The following NDUFS4 variants were observed in gnomAD, a reference collection of about 807,000 sequenced individuals.
NDUFS4 encodes NADH dehydrogenase [ubiquinone] iron-sulfur protein 4, mitochondrial.
NDUFS4 carries 28 observed loss-of-function variants against 24.3 expected under a neutral mutation model. The observed-to-expected ratio is 1.15, with a 90% CI of 0.85 to 1.58. The LOEUF is 1.58. Among genes scored for constraint, NDUFS4 ranks in the 40% most tolerant of loss-of-function variants. NDUFS4 has a pLI of 0.00. For synonymous variants in NDUFS4, 93 were observed against 69.7 expected (o/e 1.34, Z -1.67); for missense variants, 223 against 207.9 (o/e 1.07, Z -0.45).
intron 1 of NDUFS4, among the ~76,000 whole-genome samples, chr5:53,591,611 A>C (rs1749963565): frequency 6.6e-6 from 1 of 151,986 alleles, no homozygotes; most frequent in Admixed American, 6.6e-5. Context: ...ACAGTTGCTG[A>C]TCCTATGTTA....
At chr5:53,575,605 G>A (rs1019709082) in intron 1 of NDUFS4, among the ~76,000 whole-genome samples, 1 of 121,086 alleles carries the variant, frequency 8.3e-6, no homozygotes, top group Non-Finnish European at 1.6e-5. Context: ...GCAGTGGCAT[G>A]ATCTCGGCTC....
chr5:53,567,101 G>T (rs933847004), intron 1 of NDUFS4, among the ~76,000 whole-genome samples: 4 of 151,948 alleles, frequency 2.6e-5, no homozygotes, highest in African/African-American at 9.7e-5. Context: ...CACCTGCCTC[G>T]ACCTCCCAAA....
At chr5:53,602,998 T>A (rs1290547524) in intron 1 of NDUFS4, among the ~76,000 whole-genome samples, 1 of 152,220 alleles carries the variant, frequency 6.6e-6, no homozygotes, top group Non-Finnish European at 1.5e-5. Flanking sequence ...CATTCCTATG[T>A]AAAATACTTT....
intron 3 of NDUFS4, among the ~76,000 whole-genome samples, chr5:53,653,670 CT>C (rs1419632503): frequency 2.0e-5 from 3 of 152,096 alleles, no homozygotes; most frequent in African/African-American, 7.2e-5. Flanking sequence ...CCCGCCCTCC[CT>C]CCATAGAAGC....
intron 3 of NDUFS4, among the ~76,000 whole-genome samples, chr5:53,657,060 G>A (rs1447110513): frequency 1.3e-5 from 2 of 152,058 alleles, no homozygotes; most frequent in Admixed American, 6.6e-5. Context: ...AATAAAGTGA[G>A]GATAATAATA....
chr5:53,608,293 G>A (rs139929760), intron 2 of NDUFS4, among the ~76,000 whole-genome samples: 187 of 152,308 alleles, frequency 1.2e-3, no homozygotes, highest in African/African-American at 4.3e-3. Context: ...CATTTGACTG[G>A]TGGAAGGTCT....
rs543835770 is a variant in NDUFS4 at position 53,580,689 on chromosome 5, CTTCCT to C, written c.98+19952_98+19956del. On this transcript the variant is annotated intron_variant, in intron 1 of 4. Coordinates refer to ENST00000296684, the MANE Select transcript of NDUFS4 (RefSeq NM_002495.4). The stretch of plus-strand genomic sequence containing the variant: ...TCTCTTTCTTTCTTTCTCTTTCGTC[CTTCCT>C]TTCCTTTCCTTTCCTTTCCTTTTCC... Among the ~76,000 whole-genome samples, 353 of 147,822 alleles carry C rather than the reference CTTCCT, an allele frequency of 2.4e-3. 2 individuals carry two copies. Among genetic ancestry groups the C allele is most frequent in the Middle Eastern group, 6.8e-3 (2 of 292 alleles).
intron 1 of NDUFS4, 88 bp downstream of exon 1, chr5:53,560,848 C>CG: frequency 6.3e-7 from 1 of 1,595,502 alleles, no homozygotes; most frequent in Admixed American, 1.7e-5. Context: ...GAGGAGGCCT[C>CG]GGGGAAGGCG....
chr5:53,563,643 A>C (rs901162563), intron 1 of NDUFS4, among the ~76,000 whole-genome samples: 3 of 151,976 alleles, frequency 2.0e-5, no homozygotes, highest in Non-Finnish European at 4.4e-5. Context: ...CTGGGATTAC[A>C]GGTGCCCACC....
chr5:53,642,635 G>A (rs1229147870), intron 2 of NDUFS4, among the ~76,000 whole-genome samples: 1 of 152,066 alleles, frequency 6.6e-6, no homozygotes, highest in African/African-American at 2.4e-5. Context: ...AATCACAGAA[G>A]ATAAATGGAG....
intron 1 of NDUFS4, among the ~76,000 whole-genome samples, chr5:53,593,376 C>T (rs1238340222): frequency 2.0e-5 from 3 of 151,084 alleles, no homozygotes; most frequent in African/African-American, 4.9e-5. Flanking sequence ...GTGATGATAC[C>T]TGTTTCATTT....
chr5:53,660,727 A>G (rs1465595312), intron 4 of NDUFS4, among the ~76,000 whole-genome samples: 1 of 151,998 alleles, frequency 6.6e-6, no homozygotes, highest in Admixed American at 6.6e-5. Context: ...TTGTGGTTTT[A>G]ATTTGCATTT....
chr5:53,567,147 C>A lies in NDUFS4; in HGVS notation c.98+6387C>A, dbSNP rs1749055307. 5.3e-5 allele frequency among the ~76,000 whole-genome samples: 8 copies of A among 152,298 alleles called. No homozygotes were observed. In the South Asian group the frequency reaches 1.7e-3, roughly 32 times the overall value. On this transcript the variant is annotated intron_variant, in intron 1 of 4. Coordinates refer to ENST00000296684, the MANE Select transcript of NDUFS4 (RefSeq NM_002495.4). ...TACAGGCGTGAGCCACTGAGCCCAG[C>A]ACCCCTTAATATTTTAAATCTGAGG...
chr5:53,619,725 T>A (rs1171556897), intron 2 of NDUFS4, among the ~76,000 whole-genome samples: 4 of 152,122 alleles, frequency 2.6e-5, no homozygotes, highest in African/African-American at 9.7e-5. Flanking sequence ...TATTTATATG[T>A]AAGACAAATT....
intron 1 of NDUFS4, among the ~76,000 whole-genome samples, chr5:53,585,180 T>C (rs966975251): frequency 1.3e-5 from 2 of 152,208 alleles, no homozygotes; most frequent in African/African-American, 4.8e-5. Flanking sequence ...TTAGGTTGGT[T>C]CTGTGATTAA....
chr5:53,561,513 AT>A (rs4147745), intron 1 of NDUFS4, among the ~76,000 whole-genome samples: 143,242 of 146,898 alleles, frequency 0.98, 69,836 homozygotes, highest in East Asian at 1. Flanking sequence ...TTTTGTGATG[AT>A]TTTTTTTTTT....
chr5:53,601,315 A>G (rs1240893788), intron 1 of NDUFS4, among the ~76,000 whole-genome samples: 1 of 152,158 alleles, frequency 6.6e-6, no homozygotes, highest in Admixed American at 6.5e-5. Flanking sequence ...ACATGTTTAC[A>G]AAAGATGTTA....
rs1400504959 is a variant in NDUFS4 at position 53,683,181 on chromosome 5, A to C, written c.488A>C (p.Asn163Thr). The change falls in exon 5 of 5, where the codon AAC becomes ACC. Residue 163 changes from asparagine (N) to threonine (T), a missense_variant. Asn to Thr is a moderately conservative substitution (Grantham distance 65). Transcript: ENST00000296684. ...PKPKSKSYGANFSWNKRTRVS... is the reference protein window; with the variant it reads ...PKPKSKSYGATFSWNKRTRVS... Reference sequence around the variant, plus strand: ...CCCAAGTCCAAGTCTTATGGTGCAAACTTTTCTTGGAACAAAAGAACAAGA... The same window carrying C: ...CCCAAGTCCAAGTCTTATGGTGCAACCTTTTCTTGGAACAAAAGAACAAGA... The C allele has an allele frequency of 6.2e-7, 1 of 1,612,324 alleles. No individual in the cohort carries two copies. The highest frequency in any genetic ancestry group is 1.1e-5 in the South Asian group (1 of 91,044).
At chr5:53,667,677 ATAAGT>A (rs1261529196) in intron 4 of NDUFS4, among the ~76,000 whole-genome samples, 1 of 152,242 alleles carries the variant, frequency 6.6e-6, no homozygotes, top group East Asian at 1.9e-4. Context: ...CGATGTTCTG[ATAAGT>A]TAAGGCATTT....
Sources: allele counts gnomAD v4.1 joint callset (sites outside exome capture counted in the v4.1 genomes callset), GRCh38; gene constraint gnomAD v4.1.1; transcripts MANE v1.5; gene names NCBI Gene and HGNC (gene_info 2026-07-23, HGNC 2026-07-21).